The following CTNNA3 variants were observed in gnomAD, a reference collection of about 807,000 sequenced individuals.
CTNNA3 encodes the protein catenin alpha 3.
A neutral mutation model predicts 95.7 loss-of-function variants in CTNNA3; 76 were observed. That is an observed-to-expected ratio of 0.79 (90% confidence interval 0.66 to 0.96). The LOEUF (loss-of-function observed/expected upper bound fraction) is 0.96. CTNNA3 is among the 40% of genes least tolerant of loss of function. The pLI is 0.00. For missense variants in CTNNA3, 1,191 were observed against 1,089.8 expected (o/e 1.09, Z -1.31); for synonymous variants, 431 against 374.4 (o/e 1.15, Z -1.74).
At chr10:66,005,650 T>C (rs1481817126) in intron 15 of CTNNA3, among the ~76,000 whole-genome samples, 1 of 152,082 alleles carries the variant, frequency 6.6e-6, no homozygotes. Context: ...ACCTGCCTTT[T>C]CCCTCTCCTG....
intron 1 of CTNNA3, among the ~76,000 whole-genome samples, chr10:67,657,934 G>C (rs564256334): frequency 6.6e-6 from 1 of 151,254 alleles, no homozygotes; most frequent in Non-Finnish European, 1.5e-5. Context: ...GCAAGTGTTA[G>C]CAGAAAGGCC....
intron 9 of CTNNA3, among the ~76,000 whole-genome samples, chr10:66,623,431 A>G (rs1844820481): frequency 6.7e-6 from 1 of 148,764 alleles, no homozygotes; most frequent in Non-Finnish European, 1.5e-5. Flanking sequence ...TTGAAAGTAT[A>G]CATTCTTCTT....
chr10:66,104,168 C>T (rs548107739), intron 13 of CTNNA3, among the ~76,000 whole-genome samples: 4 of 152,208 alleles, frequency 2.6e-5, no homozygotes, highest in African/African-American at 9.6e-5. Flanking sequence ...CTTTCAATTT[C>T]AGCTTAAATG....
intron 7 of CTNNA3, among the ~76,000 whole-genome samples, chr10:66,988,999 T>TAA (rs112498182): frequency 2.9e-4 from 42 of 145,974 alleles, no homozygotes; most frequent in East Asian, 1.4e-3. Context: ...TCCTCTCACT[T>TAA]AAAAAAAAAA....
rs1463694927 is a variant in CTNNA3, at chr10:66,520,826, T to TA, written c.1375-54_1375-53insT. ...CCTATTGGTTGCAATGTTCACTATTTGGGTGATGGGCACACTAAAAGCCCA... is the reference window on the plus strand; with the variant it reads ...CCTATTGGTTGCAATGTTCACTATTTAGGGTGATGGGCACACTAAAAGCCCA... On this transcript the variant is annotated intron_variant, in intron 10 of 17. Transcript: ENST00000433211. The TA allele has an allele frequency of 2.3e-5, 33 of 1,415,610 alleles. No individual in the cohort carries two copies. In the Middle Eastern group the frequency reaches 5.6e-4, roughly 24 times the overall value. The allele number at this position is 1,415,610 out of a possible 1,614,324, so 87.7% of individuals were successfully genotyped here. A position where few individuals can be genotyped will look rare whatever the true frequency, so the allele number is the denominator to read the frequency against.
intron 9 of CTNNA3, among the ~76,000 whole-genome samples, chr10:66,713,976 T>G (rs1300684492): frequency 6.6e-6 from 1 of 152,042 alleles, no homozygotes; most frequent in East Asian, 1.9e-4. Context: ...TATAAGGACA[T>G]ACTACAGAGA....
intron 7 of CTNNA3, among the ~76,000 whole-genome samples, chr10:67,061,955 A>T (rs1188950709): frequency 9.0e-6 from 1 of 111,412 alleles, no homozygotes; most frequent in African/African-American, 3.6e-5. Context: ...TACTGTAAAA[A>T]AAATCAATCT....
At chr10:67,729,515 C>T (rs912611826) in intron 1 of CTNNA3, among the ~76,000 whole-genome samples, 2 of 152,004 alleles carry the variant, frequency 1.3e-5, no homozygotes, top group African/African-American at 4.8e-5. Context: ...TTCTATATTG[C>T]TAAATTCAAA....
intron 16 of CTNNA3, among the ~76,000 whole-genome samples, chr10:65,977,657 C>A (rs756665950): frequency 3.3e-5 from 5 of 151,956 alleles, no homozygotes; most frequent in Non-Finnish European, 7.4e-5. Flanking sequence ...TGACTCGTAC[C>A]TATAGTCCCA....
At chr10:67,365,875 G>C (rs1398180193) in intron 5 of CTNNA3, among the ~76,000 whole-genome samples, 7 of 152,128 alleles carry the variant, frequency 4.6e-5, no homozygotes, top group Non-Finnish European at 1.0e-4. Flanking sequence ...CCCATTACTG[G>C]GTATATACCC....
Position 66,817,258 on chromosome 10 carries a change from A to G in CTNNA3, c.1048-41734T>C, listed in dbSNP as rs558494743. On this transcript the variant is annotated intron_variant, in intron 7 of 17. Transcript: ENST00000433211. Reference sequence around the variant, plus strand: ...AAAACACATCCAAATTTTTTAAAAAACAAGTTAGCAAAAGAAGAGCAAACT... The same window carrying G: ...AAAACACATCCAAATTTTTTAAAAAGCAAGTTAGCAAAAGAAGAGCAAACT... Among the ~76,000 whole-genome samples the G allele has an allele frequency of 3.0e-3, 454 of 152,004 alleles. 3 individuals carry two copies. Among genetic ancestry groups the G allele is most frequent in the African/African-American group, 0.011 (437 of 41,564 alleles).
chr10:67,495,024 T>A (rs932164082), intron 5 of CTNNA3, among the ~76,000 whole-genome samples: 1 of 152,236 alleles, frequency 6.6e-6, no homozygotes, highest in Non-Finnish European at 1.5e-5. Context: ...AAATTATTCA[T>A]CATTGATATG....
chr10:67,141,346 A>G (rs1295284641), intron 7 of CTNNA3, among the ~76,000 whole-genome samples: 1 of 152,060 alleles, frequency 6.6e-6, no homozygotes, highest in Non-Finnish European at 1.5e-5. Context: ...CAAAATATCT[A>G]TTACTATTCT....
At chr10:66,606,294 G>A (rs1158916195) in intron 10 of CTNNA3, among the ~76,000 whole-genome samples, 1 of 152,028 alleles carries the variant, frequency 6.6e-6, no homozygotes, top group Non-Finnish European at 1.5e-5. Context: ...GAGACCTTCA[G>A]AATCTTAGGC....
intron 13 of CTNNA3, among the ~76,000 whole-genome samples, chr10:66,192,544 A>G (rs2086734738): frequency 6.6e-6 from 1 of 152,162 alleles, no homozygotes; most frequent in East Asian, 1.9e-4. Flanking sequence ...TATAAATTAA[A>G]AATTATTTTT....
At chr10:67,488,777 C>G (rs1185899863) in intron 5 of CTNNA3, among the ~76,000 whole-genome samples, 3 of 151,132 alleles carry the variant, frequency 2.0e-5, no homozygotes, top group Non-Finnish European at 4.4e-5. Context: ...TCAAGCAATT[C>G]TCCTGTCTCA....
intron 7 of CTNNA3, among the ~76,000 whole-genome samples, chr10:67,171,516 GTGAGCCGAGATCACACCATTGCAC>G (rs1383976498): frequency 1.3e-5 from 2 of 151,634 alleles, no homozygotes; most frequent in African/African-American, 4.9e-5. Context: ...AGAGGTTGCA[GTGAGCCGAGATCACACCATTGCAC>G]TCCAGCCTGG....
chr10:66,056,209 A>G (rs548923755), intron 15 of CTNNA3, among the ~76,000 whole-genome samples: 1 of 152,198 alleles, frequency 6.6e-6, no homozygotes, highest in Admixed American at 6.5e-5. Flanking sequence ...TTTGAGGACA[A>G]ATACATACTT....
At chr10:66,036,437 A>G (rs1458921504) in intron 15 of CTNNA3, among the ~76,000 whole-genome samples, 1 of 152,064 alleles carries the variant, frequency 6.6e-6, no homozygotes, top group Non-Finnish European at 1.5e-5. Context: ...CTCATGGTGC[A>G]ATCTCGGCTC....
Sources: gnomAD v4.1 joint callset for allele counts (sites outside exome capture counted in the v4.1 genomes callset) on GRCh38, gnomAD v4.1.1 for gene constraint, MANE v1.5 for transcripts, NCBI Gene and HGNC (gene_info 2026-07-23, HGNC 2026-07-21) for gene names.